SLC44A5: variants seen among roughly 807,000 people sequenced by gnomAD.
SLC44A5 encodes the protein choline transporter-like protein 5.
In SLC44A5, 57 loss-of-function variants were observed where a neutral mutation model predicts 101.8. The ratio of observed to expected loss-of-function variants is 0.56; its 90% CI spans 0.45 to 0.70. The LOEUF (loss-of-function observed/expected upper bound fraction) is 0.70, where lower values mean the gene tolerates loss of function less well. Among genes scored for constraint, SLC44A5 ranks in the 30% least tolerant of loss-of-function variants. The pLI, the probability that SLC44A5 is intolerant of heterozygous loss-of-function variation, is 0.00. For missense variants in SLC44A5, 737 were observed against 853.1 expected, an observed-to-expected ratio of 0.86 and a Z score of 1.70; for synonymous variants, 281 against 290.9, an observed-to-expected ratio of 0.97 and a Z score of 0.35.
At chr1:75,554,455 G>A (rs184642082) in intron 1 of SLC44A5, among the ~76,000 whole-genome samples, 55 of 130,464 alleles carry the variant, frequency 4.2e-4, no homozygotes, top group African/African-American at 1.6e-3. Context: ...CTGAGCAACA[G>A]AGTGTGACTC....
intron 7 of SLC44A5, among the ~76,000 whole-genome samples, chr1:75,250,661 G>T (rs1465966364): frequency 1.3e-5 from 2 of 152,148 alleles, no homozygotes; most frequent in African/African-American, 4.8e-5. Context: ...AGAGCAGGAT[G>T]TTTTATTCAT....
chr1:75,627,509 T>A, the SLC44A5 span, among the ~76,000 whole-genome samples: 1 of 151,956 alleles, frequency 6.6e-6, no homozygotes, highest in African/African-American at 2.4e-5. Context: ...CGAGACCTTG[T>A]CTGTACAAAA....
the SLC44A5 span, among the ~76,000 whole-genome samples, chr1:75,621,498 C>T: frequency 6.6e-6 from 1 of 151,990 alleles, no homozygotes; most frequent in African/African-American, 2.4e-5. Context: ...GCATGATTGC[C>T]ATGAATGTAT....
chr1:75,606,617 C>T (rs980371579), intron 1 of SLC44A5, among the ~76,000 whole-genome samples: 1 of 151,636 alleles, frequency 6.6e-6, no homozygotes, highest in Non-Finnish European at 1.5e-5. Context: ...TTTAATTTTC[C>T]TCCTCTTCAT....
At chr1:75,558,811 T>C (rs1481037396) in intron 1 of SLC44A5, among the ~76,000 whole-genome samples, 1 of 152,144 alleles carries the variant, frequency 6.6e-6, no homozygotes, top group Admixed American at 6.6e-5. Flanking sequence ...TGCAGAGTGA[T>C]CTTGGTCACA....
At chr1:75,287,220 A>G (rs974806765) in intron 5 of SLC44A5, among the ~76,000 whole-genome samples, 3 of 151,668 alleles carry the variant, frequency 2.0e-5, no homozygotes, top group Admixed American at 1.3e-4. Context: ...TACTTTTTCA[A>G]TTCTGCTGTT....
chr1:75,276,328 C>T (rs1651916356), intron 5 of SLC44A5, among the ~76,000 whole-genome samples: 3 of 152,042 alleles, frequency 2.0e-5, no homozygotes, highest in Admixed American at 6.6e-5. Context: ...CTCCAGACCC[C>T]GTATCATTAC....
chr1:75,317,359 T>C (rs1655772572), intron 4 of SLC44A5, among the ~76,000 whole-genome samples: 1 of 152,242 alleles, frequency 6.6e-6, no homozygotes, highest in Non-Finnish European at 1.5e-5. Context: ...TAGGAATTTT[T>C]AATGCCAGAG....
chr1:75,222,009 G>T (rs1647093269), intron 14 of SLC44A5, among the ~76,000 whole-genome samples: 1 of 150,248 alleles, frequency 6.7e-6, no homozygotes, highest in African/African-American at 2.5e-5. Context: ...GCCCAGGCTG[G>T]AGTGCAATGT....
At chr1:75,515,932 T>A (rs1235535542) in intron 2 of SLC44A5, among the ~76,000 whole-genome samples, 1 of 152,180 alleles carries the variant, frequency 6.6e-6, no homozygotes, top group Non-Finnish European at 1.5e-5. Flanking sequence ...GTGTTTTTGA[T>A]AACAGCCATT....
chr1:75,635,725 TGC>T, the SLC44A5 span, among the ~76,000 whole-genome samples: 2 of 150,972 alleles, frequency 1.3e-5, no homozygotes, highest in African/African-American at 4.9e-5. Flanking sequence ...AGTTAATGGG[TGC>T]ATCACACCAG....
rs1239994700 is a variant in SLC44A5, at chr1:75,534,248, T to C, written c.13+7187A>G. ...TTTTGCAAATCACCTGTTAAAGTCG[T>C]CGGAATCAAAATGGAGTCACTTATG... On this transcript the variant is annotated intron_variant, in intron 2 of 23. Transcript: ENST00000370859. Among the ~76,000 whole-genome samples, 5 of 152,158 alleles carry C rather than the reference T, an allele frequency of 3.3e-5. No homozygotes were observed. The East Asian group carries it at 7.7e-4, about 24-fold the overall frequency.
At chr1:75,646,744 G>A in the SLC44A5 span, among the ~76,000 whole-genome samples, 1 of 152,190 alleles carries the variant, frequency 6.6e-6, no homozygotes, top group South Asian at 2.1e-4. Context: ...AGAAGTAAAG[G>A]CCATTCTTTC....
intron 2 of SLC44A5, among the ~76,000 whole-genome samples, chr1:75,474,109 T>G (rs924841057): frequency 6.6e-6 from 1 of 152,158 alleles, no homozygotes; most frequent in African/African-American, 2.4e-5. Flanking sequence ...ATTAAATTAG[T>G]TCACTGTCAA....
At chr1:75,275,683 G>A (rs75204147) in intron 5 of SLC44A5, among the ~76,000 whole-genome samples, 2 of 152,046 alleles carry the variant, frequency 1.3e-5, no homozygotes, top group Non-Finnish European at 2.9e-5. Context: ...TGAAGACAAT[G>A]GGCTCAAACA....
intron 4 of SLC44A5, among the ~76,000 whole-genome samples, chr1:75,313,388 C>T (rs192844787): frequency 6.6e-5 from 10 of 152,312 alleles, no homozygotes; most frequent in Admixed American, 3.3e-4. Context: ...TTTTTTATTA[C>T]ATCAACTTGA....
chr1:75,670,741 G>A, the SLC44A5 span, among the ~76,000 whole-genome samples: 11 of 152,144 alleles, frequency 7.2e-5, no homozygotes, highest in Non-Finnish European at 1.3e-4. Flanking sequence ...CAAGGAGTAA[G>A]ATAGAAACCA....
chr1:75,534,703 T>G (rs1670900626), intron 2 of SLC44A5, among the ~76,000 whole-genome samples: 1 of 152,250 alleles, frequency 6.6e-6, no homozygotes, highest in Non-Finnish European at 1.5e-5. Context: ...AATCCAGTCC[T>G]GAAATAACTT....
chr1:75,496,569 C>G (rs1668682836), intron 2 of SLC44A5, among the ~76,000 whole-genome samples: 1 of 148,208 alleles, frequency 6.7e-6, no homozygotes, highest in East Asian at 2.0e-4. Context: ...TTTTTTTTTG[C>G]ATATGACATC....
Sources: gnomAD v4.1 joint callset for allele counts (sites outside exome capture counted in the v4.1 genomes callset) on GRCh38, gnomAD v4.1.1 for gene constraint, MANE v1.5 for transcripts, NCBI Gene and HGNC (gene_info 2026-07-23, HGNC 2026-07-21) for gene names.